Variants in SNCG observed in about 807,000 individuals in gnomAD.
SNCG encodes the protein synuclein gamma.
Under a neutral mutation model 16.0 loss-of-function variants are expected in SNCG, and 13 were observed. That is an observed-to-expected ratio of 0.81 (90% CI 0.53 to 1.29). The LOEUF (loss-of-function observed/expected upper bound fraction) is 1.29. SNCG is among the 50% of genes most tolerant of loss of function. The pLI is 0.00. For missense variants in SNCG, 154 were observed against 168.5 expected (o/e 0.91, Z 0.48); for synonymous variants, 66 against 66.3 (o/e 1.00, Z 0.02).
chr10:86,957,512 C>T, upstream of SNCG: 5 of 1,612,552 alleles, frequency 3.1e-6, no homozygotes, highest in South Asian at 1.1e-5. Flanking sequence ...CCAGGGGGCC[C>T]CCAAGGCTGA....
Position 86,959,657 on chromosome 10 carries a change from T to C in SNCG, c.146T>C (p.Val49Ala). 1 of 1,612,828 alleles carries C rather than the reference T, an allele frequency of 6.2e-7. No individual in the cohort carries two copies. The highest frequency in any genetic ancestry group is 8.5e-7 in the Non-Finnish European group (1 of 1,179,528). The change falls in exon 2 of 5, where the codon GTA (valine) becomes GCA (alanine). Residue 49 changes from valine to alanine, a missense_variant. Transcript: ENST00000372017. This position sits in a 1 kb window ranked among gnomAD's most constrained non-coding sequence, Gnocchi z 4.3. ...GGAGCCAAGACCAAGGAGAATGTTG[T>C]ACAGAGCGTGACCTCAGGTGAGAAG... ...YVGAKTKENV[V>A]QSVTSVAEKT...
At chr10:86,957,628 C>T, upstream of SNCG, 1 of 1,477,628 alleles carries the variant, frequency 6.8e-7, no homozygotes, top group East Asian at 2.3e-5. Flanking sequence ...AGTTAAATCT[C>T]AGGAGGAAAA....
chr10:86,958,338 T>C (rs1844271860), upstream of SNCG: 3 of 985,216 alleles, frequency 3.0e-6, no homozygotes, highest in African/African-American at 5.2e-5. Flanking sequence ...CCCCCATGGG[T>C]GGGCAGGGCA....
Position 86,960,069 on chromosome 10 carries a change from G to T in SNCG, c.232G>T (p.Ala78Ser). Residue 78 changes from alanine to serine, a missense_variant, in exon 3 of 5, where the codon GCC (alanine) becomes TCC (serine). Ala to Ser is a moderately conservative substitution (Grantham distance 99). Coordinates refer to ENST00000372017, the MANE Select transcript of SNCG (RefSeq NM_003087.3). ...EAVVSSVNTVATKTVEEAENI... is the reference protein window; with the variant it reads ...EAVVSSVNTVSTKTVEEAENI... ...TGTGGTGAGCAGCGTCAACACTGTG[G>T]CCACCAAGACCGTGGAGGAGGCGGA... 6.2e-7 allele frequency: 1 copy of T among 1,613,324 alleles called. No homozygotes were observed. Among genetic ancestry groups the T allele is most frequent in the Non-Finnish European group, 8.5e-7 (1 of 1,179,840 alleles).
chr10:86,962,801 C>T (rs1844379473), intron 4 of SNCG, 126 bp downstream of exon 4: 1 of 1,128,094 alleles, frequency 8.9e-7, no homozygotes, highest in Admixed American at 2.3e-5. Context: ...TCCACAGCCC[C>T]TACAGGGACT....
In SNCG at chr10:86,963,233, T is replaced by A; in HGVS notation, c.*248T>A. 1 of 429,004 alleles carries A rather than the reference T, an allele frequency of 2.3e-6. No individual in the cohort carries two copies. Among genetic ancestry groups the A allele is most frequent in the Non-Finnish European group, 4.1e-6 (1 of 243,384 alleles). 26.6% of individuals were successfully genotyped at this position (429,004 alleles called of 1,614,324 possible). ...GCTGTGAATTTTTTTTTTAAATGAT[T>A]CCAAATAAAACTTGAGCCCACTCCT... On this transcript the variant is annotated 3_prime_UTR_variant, in exon 5 of 5. Coordinates refer to ENST00000372017, the MANE Select transcript of SNCG (RefSeq NM_003087.3).
At chr10:86,960,370 A>G (rs1844322224) in intron 3 of SNCG, among the ~76,000 whole-genome samples, 1 of 152,182 alleles carries the variant, frequency 6.6e-6, no homozygotes, top group African/African-American at 2.4e-5. Flanking sequence ...TCTCATAGAC[A>G]AGGAAAGTGA....
At chr10:86,960,900 G>T (rs572596107) in intron 3 of SNCG, among the ~76,000 whole-genome samples, 1 of 152,334 alleles carries the variant, frequency 6.6e-6, no homozygotes, top group South Asian at 2.1e-4. Context: ...AGACGGTGTG[G>T]AAACTAAGGC....
upstream of SNCG, chr10:86,957,453 G>A (rs747625024): frequency 6.2e-7 from 1 of 1,613,736 alleles, no homozygotes; most frequent in South Asian, 1.1e-5. Flanking sequence ...CTGCAGATCA[G>A]AGAGGCTAGT....
upstream of SNCG, among the ~76,000 whole-genome samples, chr10:86,957,215 C>A (rs1244453893): frequency 6.6e-6 from 1 of 152,230 alleles, no homozygotes; most frequent in Non-Finnish European, 1.5e-5. Flanking sequence ...TCCTGAAACA[C>A]CCAGTCCAGA....
In SNCG at chr10:86,958,636, C is replaced by G. The variant is rs545602900; in HGVS notation, c.-62C>G. The stretch of plus-strand genomic sequence containing the variant: ...GGCAGCACTCGAGCCAGCTCAAGCC[C>G]GCAGCTCGCAGGGAGATCCAGCTCC... On this transcript the variant is annotated 5_prime_UTR_variant, in exon 1 of 5. Transcript: ENST00000372017. 4.4e-6 allele frequency: 7 copies of G among 1,608,220 alleles called. No individual in the cohort carries two copies. Among genetic ancestry groups the G allele is most frequent in the Non-Finnish European group, 5.1e-6 (6 of 1,178,152 alleles).
rs1187008814 is a variant in SNCG at position 86,959,791 on chromosome 10, C to T, written c.163+117C>T. ...TTACCCCCAACTGGGGTCCCAAGCC[C>T]TACAGACCCCTGCAGACCATGAGGC... is the stretch of plus-strand genomic sequence containing the variant. On this transcript the variant is annotated intron_variant, in intron 2 of 4. Coordinates refer to ENST00000372017, the MANE Select transcript of SNCG (RefSeq NM_003087.3). This position sits in a 1 kb window ranked among gnomAD's most constrained non-coding sequence, Gnocchi z 4.3. The T allele has an allele frequency of 5.5e-6, 7 of 1,263,222 alleles. No individual in the cohort carries two copies. The Admixed American group carries it at 1.8e-4, about 32-fold the overall frequency. 78.3% of individuals were successfully genotyped at this position (1,263,222 alleles called of 1,614,324 possible). A position where few individuals can be genotyped will look rare whatever the true frequency, so the allele number is the denominator to read the frequency against.
chr10:86,957,478 C>T, upstream of SNCG: 1 of 1,613,266 alleles, frequency 6.2e-7, no homozygotes, highest in Non-Finnish European at 8.5e-7. Flanking sequence ...GAAGCCTGGG[C>T]CCATGCCCCC....
upstream of SNCG, chr10:86,957,589 T>C (rs1426531245): frequency 6.5e-7 from 1 of 1,542,576 alleles, no homozygotes. Context: ...GGCAAGTAGC[T>C]CCAGAAACTG....
At chr10:86,958,085 C>T (rs963303563), upstream of SNCG, 3 of 985,250 alleles carry the variant, frequency 3.0e-6, no homozygotes, top group African/African-American at 5.2e-5. Flanking sequence ...CCCCCACCCA[C>T]CTCAGATCCT....
upstream of SNCG, chr10:86,957,935 TG>T (rs33979898): frequency 0.24 from 248,434 of 1,039,024 alleles, 30,394 homozygotes; most frequent in South Asian, 0.3. Flanking sequence ...CCATCCACAC[TG>T]CTGGCCAGGA....
chr10:86,960,846 G>A (rs1844335656), intron 3 of SNCG, among the ~76,000 whole-genome samples: 2 of 152,220 alleles, frequency 1.3e-5, no homozygotes, highest in African/African-American at 4.8e-5. Context: ...TCTGCTTTAC[G>A]CATTGTACGC....
chr10:86,962,840 G>C, intron 4 of SNCG, 125 bp from the exon 5 acceptor site: 2 of 1,227,434 alleles, frequency 1.6e-6, no homozygotes, highest in Non-Finnish European at 2.3e-6. Flanking sequence ...GAACCTGAGT[G>C]GGAGGTCCCC....
At chr10:86,956,775 G>A (rs769253126), upstream of SNCG, among the ~76,000 whole-genome samples, 2 of 152,224 alleles carry the variant, frequency 1.3e-5, no homozygotes, top group Non-Finnish European at 2.9e-5. Context: ...GATGAGGGGG[G>A]ACTTACAGGC....
Sources: gnomAD v4.1 joint callset for allele counts (sites outside exome capture counted in the v4.1 genomes callset) on GRCh38, gnomAD v4.1.1 for gene constraint, Gnocchi (gnomAD v3.1) non-coding constraint, MANE v1.5 for transcripts, NCBI Gene and HGNC (gene_info 2026-07-23, HGNC 2026-07-21) for gene names.